The following DISC1 variants were observed in gnomAD, a reference collection of about 807,000 sequenced individuals.
The protein encoded by DISC1 is disrupted in schizophrenia 1 protein.
Under a neutral mutation model 84.5 loss-of-function variants are expected in DISC1, and 57 were observed. That is an observed-to-expected ratio of 0.67 (90% CI 0.55 to 0.84). The LOEUF (loss-of-function observed/expected upper bound fraction) is 0.84. DISC1 is among the 40% of genes least tolerant of loss of function. The probability of loss-of-function intolerance (pLI) is 0.00; values close to 1 mark genes in which losing one functional copy is unlikely to be tolerated. For missense variants in DISC1, 1,000 were observed against 1,057.8 expected, an observed-to-expected ratio of 0.95 and a Z score of 0.76; for synonymous variants, 411 against 415.2, an observed-to-expected ratio of 0.99 and a Z score of 0.12.
intron 1 of DISC1, among the ~76,000 whole-genome samples, chr1:231,629,042 C>T (rs549360272): frequency 1.3e-5 from 2 of 152,276 alleles, no homozygotes; most frequent in South Asian, 4.1e-4. Context: ...CAACCTCCAT[C>T]CTGCATATCT....
chr1:231,716,595 A>T (rs1211704725), intron 3 of DISC1, among the ~76,000 whole-genome samples: 1 of 152,138 alleles, frequency 6.6e-6, no homozygotes, highest in South Asian at 2.1e-4. Flanking sequence ...GAAGGAAAAA[A>T]AATGGAAAGG....
chr1:231,810,740 T>G (rs2080216973), intron 8 of DISC1, among the ~76,000 whole-genome samples: 1 of 152,164 alleles, frequency 6.6e-6, no homozygotes, highest in Non-Finnish European at 1.5e-5. Flanking sequence ...GGACCATATT[T>G]GGCTTTCTCT....
intron 3 of DISC1, 79 bp from the exon 4 acceptor site, chr1:231,749,847 G>A: frequency 6.3e-7 from 1 of 1,591,224 alleles, no homozygotes; most frequent in Admixed American, 1.7e-5. Flanking sequence ...CACTACAACT[G>A]GAGCTAAGAG....
chr1:231,834,220 A>G (rs1312810714), intron 9 of DISC1, among the ~76,000 whole-genome samples: 2 of 152,176 alleles, frequency 1.3e-5, no homozygotes, highest in African/African-American at 4.8e-5. Context: ...AGGAGAGGTG[A>G]TAAAAGGATT....
chr1:231,905,146 T>C (rs959995590), intron 9 of DISC1, among the ~76,000 whole-genome samples: 1 of 152,196 alleles, frequency 6.6e-6, no homozygotes, highest in Non-Finnish European at 1.5e-5. Context: ...ATGGGACAAG[T>C]CGAAGTCCTT....
At chr1:231,975,843 G>A (rs896589313) in intron 10 of DISC1, among the ~76,000 whole-genome samples, 4 of 152,154 alleles carry the variant, frequency 2.6e-5, no homozygotes, top group African/African-American at 9.7e-5. Flanking sequence ...GAGTGAGAGG[G>A]GGTGGATGAT....
intron 9 of DISC1, chr1:231,944,992 T>G (rs1342418975): frequency 1.3e-5 from 2 of 152,112 alleles, no homozygotes; most frequent in African/African-American, 4.8e-5. Flanking sequence ...ACAATAATAG[T>G]GGGAGATTTT....
At chr1:231,998,050 C>T (rs1475840584) in intron 10 of DISC1, among the ~76,000 whole-genome samples, 1 of 152,096 alleles carries the variant, frequency 6.6e-6, no homozygotes, top group South Asian at 2.1e-4. Flanking sequence ...GGAAACATGA[C>T]ATAAAACATG....
intron 4 of DISC1, among the ~76,000 whole-genome samples, chr1:231,760,887 G>A (rs1046212653): frequency 2.6e-5 from 4 of 152,280 alleles, no homozygotes; most frequent in Admixed American, 6.5e-5. Flanking sequence ...CATCACAGGC[G>A]TGCACCCCTT....
chr1:231,854,013 C>G (rs201963030), intron 9 of DISC1, among the ~76,000 whole-genome samples: 9 of 152,184 alleles, frequency 5.9e-5, no homozygotes, highest in African/African-American at 2.2e-4. Context: ...AGACGAAGGG[C>G]CAAGCTGCTC....
chr1:232,022,912 G>A (rs1383785018), intron 11 of DISC1, among the ~76,000 whole-genome samples: 2 of 152,108 alleles, frequency 1.3e-5, no homozygotes, highest in Non-Finnish European at 1.5e-5. Flanking sequence ...TGTAACTTGT[G>A]CCTTGGAAAA....
chr1:231,916,749 G>A (rs933405069), intron 9 of DISC1, among the ~76,000 whole-genome samples: 3 of 151,976 alleles, frequency 2.0e-5, no homozygotes, highest in Non-Finnish European at 4.4e-5. Flanking sequence ...TGCACAATGA[G>A]TTTATTCTCC....
At chr1:231,862,553 TA>T (rs942196739) in intron 9 of DISC1, among the ~76,000 whole-genome samples, 5 of 152,350 alleles carry the variant, frequency 3.3e-5, no homozygotes, top group South Asian at 2.1e-4. Context: ...GATTGCTTTG[TA>T]ATATTTTGTT....
At chr1:231,766,195 C>T (rs1168573663) in intron 4 of DISC1, among the ~76,000 whole-genome samples, 1 of 147,498 alleles carries the variant, frequency 6.8e-6, no homozygotes, top group Non-Finnish European at 1.5e-5. Context: ...GAGGCTGAGG[C>T]AGGAGAATTG....
intron 9 of DISC1, among the ~76,000 whole-genome samples, chr1:231,839,152 GTGT>G (rs975213960): frequency 1.3e-5 from 2 of 152,198 alleles, no homozygotes; most frequent in Non-Finnish European, 2.9e-5. Context: ...GGCAGAAATA[GTGT>G]TGTTTTAGGG....
chr1:231,977,839 A>G (rs975231360), intron 10 of DISC1, among the ~76,000 whole-genome samples: 2 of 152,202 alleles, frequency 1.3e-5, no homozygotes, highest in Non-Finnish European at 2.9e-5. Flanking sequence ...TAAAAACATT[A>G]ATAAGAATTC....
intron 3 of DISC1, among the ~76,000 whole-genome samples, chr1:231,738,776 A>G (rs2125246349): frequency 6.6e-6 from 1 of 152,300 alleles, no homozygotes; most frequent in South Asian, 2.1e-4. Context: ...TTCTATTAGC[A>G]TGGATGTGTT....
intron 1 of DISC1, among the ~76,000 whole-genome samples, chr1:231,688,455 T>C (rs2064581336): frequency 6.6e-6 from 1 of 152,208 alleles, no homozygotes; most frequent in African/African-American, 2.4e-5. Context: ...AAAAAACCTT[T>C]TGTTTCTGGT....
chr1:231,978,459 C>T (rs1232742453), intron 10 of DISC1, among the ~76,000 whole-genome samples: 2 of 152,064 alleles, frequency 1.3e-5, no homozygotes, highest in African/African-American at 4.8e-5. Flanking sequence ...TCTTGAGGTA[C>T]AATTTATGAA....
Sources: allele counts gnomAD v4.1 joint callset (sites outside exome capture counted in the v4.1 genomes callset), GRCh38; gene constraint gnomAD v4.1.1; transcripts MANE v1.5; gene names NCBI Gene and HGNC (gene_info 2026-07-23, HGNC 2026-07-21).